MYO16: variants seen among roughly 807,000 people sequenced by gnomAD.
MYO16 encodes the protein unconventional myosin-XVI.
Under a neutral mutation model 205.3 loss-of-function variants are expected in MYO16, and 94 were observed. That is an observed-to-expected ratio of 0.46 (90% CI 0.39 to 0.54). The LOEUF (loss-of-function observed/expected upper bound fraction) is 0.54, where lower values mean the gene tolerates loss of function less well. Ranked by LOEUF, MYO16 falls within the 20% of genes least tolerant of loss-of-function variation. The probability of loss-of-function intolerance (pLI) is 0.00; values close to 1 mark genes in which losing one functional copy is unlikely to be tolerated. For missense variants in MYO16, 2,315 were observed against 2,387.5 expected, an observed-to-expected ratio of 0.97 and a Z score of 0.63; for synonymous variants, 988 against 954.0, an observed-to-expected ratio of 1.04 and a Z score of -0.66.
intron 20 of MYO16, among the ~76,000 whole-genome samples, chr13:108,972,831 G>A (rs191302514): frequency 7.9e-5 from 12 of 151,976 alleles, no homozygotes; most frequent in East Asian, 3.9e-4. Context: ...TTTCCTAAAC[G>A]GTAGGGATTT....
Position 108,623,921 on chromosome 13 carries a change from AG to A in MYO16, c.-39+27684del, listed in dbSNP as rs569405329. Among the ~76,000 whole-genome samples the A allele has an allele frequency of 1.4e-4, 22 of 152,300 alleles. No homozygotes were observed. The South Asian group carries it at 4.4e-3, about 30-fold the overall frequency. On this transcript the variant is annotated intron_variant, in intron 1 of 24. Transcript: ENST00000251041. ...AAAAAATGAATATAAGCTTTAGAGA[AG>A]GTCAGGAATAATTTAAGCAATAAAA...
chr13:109,112,899 GA>G (rs1254821070), intron 28 of MYO16, among the ~76,000 whole-genome samples: 2 of 152,134 alleles, frequency 1.3e-5, no homozygotes, highest in African/African-American at 4.8e-5. Context: ...TGTGAATTAT[GA>G]GCTTTATACT....
Position 109,140,230 on chromosome 13 carries a change from T to TGGCAC in MYO16, c.4052-33_4052-29dup. ...TTGGTGGGCACCCGTGGGCCTGGCC[T>TGGCAC]GGCACCCACTGACCGCGTCCTTTCC... is the stretch of plus-strand genomic sequence containing the variant. On this transcript the variant is annotated intron_variant, in intron 31 of 34. Transcript: ENST00000457511. This position sits in a 1 kb window ranked among gnomAD's most constrained non-coding sequence, Gnocchi z 8.0. 5 of 1,594,664 alleles carry TGGCAC rather than the reference T, an allele frequency of 3.1e-6. No homozygotes were observed. The highest frequency in any genetic ancestry group is 4.2e-6 in the Non-Finnish European group (5 of 1,177,378).
intron 10 of MYO16, chr13:108,855,177 G>T: frequency 3.1e-6 from 1 of 324,858 alleles, no homozygotes; most frequent in Admixed American, 4.3e-5. Flanking sequence ...CATCTTGACA[G>T]ACCTAATGCC....
intron 34 of MYO16, among the ~76,000 whole-genome samples, chr13:109,181,844 G>A (rs1250998665): frequency 1.3e-5 from 2 of 148,804 alleles, no homozygotes; most frequent in African/African-American, 5.1e-5. Context: ...TTTTGAGACA[G>A]AGTTTAACTC....
At chr13:108,759,339 G>A (rs1351147334) in intron 4 of MYO16, among the ~76,000 whole-genome samples, 1 of 152,150 alleles carries the variant, frequency 6.6e-6, no homozygotes, top group South Asian at 2.1e-4. Context: ...ACATCATTCT[G>A]CTGTATTTAT....
chr13:108,727,634 G>C (rs779635001), intron 4 of MYO16, 51 bp downstream of exon 4: 1 of 1,558,894 alleles, frequency 6.4e-7, no homozygotes, highest in South Asian at 1.2e-5. Flanking sequence ...GCATGTAAAA[G>C]GCTATATATT....
chr13:108,604,694 T>C (rs1878886809), intron 1 of MYO16, among the ~76,000 whole-genome samples: 1 of 152,228 alleles, frequency 6.6e-6, no homozygotes, highest in Non-Finnish European at 1.5e-5. Flanking sequence ...CCTTGACTTT[T>C]TTTATTTTGA....
intron 23 of MYO16, among the ~76,000 whole-genome samples, chr13:109,040,361 T>TACACAC (rs367712905): frequency 5.8e-4 from 66 of 112,912 alleles, no homozygotes; most frequent in East Asian, 9.2e-4. Flanking sequence ...GACAGTAGCA[T>TACACAC]ACACACACAC....
intron 3 of MYO16, among the ~76,000 whole-genome samples, chr13:108,720,407 G>T (rs1407216982): frequency 6.6e-6 from 1 of 152,040 alleles, no homozygotes; most frequent in African/African-American, 2.4e-5. Flanking sequence ...TATTTTGTCC[G>T]CTACTTTTCT....
the MYO16 span, among the ~76,000 whole-genome samples, chr13:108,550,022 A>G: frequency 1.3e-5 from 2 of 152,212 alleles, no homozygotes; most frequent in African/African-American, 2.4e-5. Context: ...GCTCTATTTC[A>G]TCTCCATAAT....
intron 2 of MYO16, among the ~76,000 whole-genome samples, chr13:108,695,757 C>A (rs7983997): frequency 0.029 from 4,433 of 152,096 alleles, 184 homozygotes; most frequent in African/African-American, 0.094. Context: ...TAAAACACAT[C>A]AAAAATTCAC....
intron 4 of MYO16, among the ~76,000 whole-genome samples, chr13:108,772,905 C>T (rs1886014166): frequency 6.6e-6 from 1 of 152,038 alleles, no homozygotes; most frequent in Admixed American, 6.6e-5. Flanking sequence ...GTTTGGATGT[C>T]TTAGTCTGTT....
At chr13:108,724,236 T>A (rs1282504330) in intron 3 of MYO16, among the ~76,000 whole-genome samples, 1 of 152,226 alleles carries the variant, frequency 6.6e-6, no homozygotes. Context: ...TAGATGATCA[T>A]GTCATATGCG....
chr13:109,166,572 A>G (rs903784411), intron 33 of MYO16: 7 of 152,234 alleles, frequency 4.6e-5, no homozygotes, highest in East Asian at 1.9e-4. Flanking sequence ...GCATCTCCCA[A>G]TGCTGACGAA....
At chr13:109,079,618 G>A (rs74643763) in intron 27 of MYO16, among the ~76,000 whole-genome samples, 5 of 152,010 alleles carry the variant, frequency 3.3e-5, no homozygotes, top group Admixed American at 2.0e-4. Context: ...CTAGGGACAC[G>A]GGGCATGAGT....
chr13:108,497,083 C>T, the MYO16 span, among the ~76,000 whole-genome samples: 3 of 152,180 alleles, frequency 2.0e-5, no homozygotes, highest in African/African-American at 7.2e-5. Flanking sequence ...TCTATCCATG[C>T]ATCTCCCAGT....
intron 34 of MYO16, among the ~76,000 whole-genome samples, chr13:109,187,066 T>C (rs987355824): frequency 6.6e-6 from 1 of 152,246 alleles, no homozygotes; most frequent in African/African-American, 2.4e-5. Context: ...ATATGATAAA[T>C]GTAAAATGGA....
chr13:108,789,849 A>G (rs1331355936), intron 5 of MYO16, among the ~76,000 whole-genome samples: 1 of 152,166 alleles, frequency 6.6e-6, no homozygotes, highest in African/African-American at 2.4e-5. Context: ...ATGATGTTTT[A>G]TGTATGACCA....
Sources: allele counts gnomAD v4.1 joint callset (sites outside exome capture counted in the v4.1 genomes callset), GRCh38; gene constraint gnomAD v4.1.1; non-coding constraint Gnocchi (gnomAD v3.1); transcripts MANE v1.5; gene names NCBI Gene and HGNC (gene_info 2026-07-23, HGNC 2026-07-21).